Variants in VPS13C observed in about 807,000 individuals in gnomAD.
VPS13C encodes the protein intermembrane lipid transfer protein VPS13C.
A neutral mutation model predicts 456.8 loss-of-function variants in VPS13C; 358 were observed. The observed-to-expected ratio is 0.78, with a 90% confidence interval of 0.72 to 0.86. The LOEUF is 0.86. VPS13C is among the 40% of genes least tolerant of loss of function. The probability of loss-of-function intolerance (pLI) is 0.00; values close to 1 mark genes in which losing one functional copy is unlikely to be tolerated. For missense variants in VPS13C, 4,818 were observed against 4,385.4 expected (o/e 1.10, Z -2.79); for synonymous variants, 1,578 against 1,486.7 (o/e 1.06, Z -1.41).
chr15:61,861,566 T>C (rs1894228300), intron 82 of VPS13C, among the ~76,000 whole-genome samples: 1 of 152,172 alleles, frequency 6.6e-6, no homozygotes, highest in African/African-American at 2.4e-5. Flanking sequence ...TTGGATGTGG[T>C]GGTGCATGTA....
chr15:61,897,967 A>T (rs1263107309), intron 66 of VPS13C, among the ~76,000 whole-genome samples: 2 of 152,204 alleles, frequency 1.3e-5, no homozygotes, highest in Non-Finnish European at 2.9e-5. Flanking sequence ...TGAAGAAAAG[A>T]ATTTTCAACC....
At chr15:61,985,222 C>T (rs2046009174) in intron 18 of VPS13C, among the ~76,000 whole-genome samples, 1 of 152,052 alleles carries the variant, frequency 6.6e-6, no homozygotes, top group Admixed American at 6.6e-5. Flanking sequence ...AAATAGGATG[C>T]TTACAAAAGA....
At chr15:61,978,545 T>C (rs2045779568) in intron 23 of VPS13C, 81 bp downstream of exon 23, 6 of 1,474,418 alleles carry the variant, frequency 4.1e-6, no homozygotes, top group East Asian at 2.4e-5. Context: ...AGGGTTGATA[T>C]ATAGGCACAC....
chr15:62,000,389 G>A (rs1183594464), intron 16 of VPS13C, among the ~76,000 whole-genome samples, 175 bp downstream of exon 16: 2 of 151,764 alleles, frequency 1.3e-5, no homozygotes, highest in East Asian at 3.9e-4. Flanking sequence ...ATAAAAATAA[G>A]GTTTTTTTTC....
intron 47 of VPS13C, 41 bp downstream of exon 47, chr15:61,940,606 C>A: frequency 6.3e-7 from 1 of 1,576,984 alleles, no homozygotes; most frequent in Non-Finnish European, 8.6e-7. Context: ...ACGAGAAAAG[C>A]CTATCAAGAA....
At chr15:62,020,601 A>G (rs2047429114) in intron 8 of VPS13C, 63 bp from the exon 9 acceptor site, 6 of 1,518,562 alleles carry the variant, frequency 4.0e-6, no homozygotes, top group Non-Finnish European at 5.4e-6. Context: ...CATGTCCTTT[A>G]CAATAGGCAG....
rs1029095964 is a variant in VPS13C at position 62,017,505 on chromosome 15, G to A, written c.684+2974C>T. Among the ~76,000 whole-genome samples the A allele has an allele frequency of 1.3e-3, 204 of 152,202 alleles. 1 individual carries two copies. Among genetic ancestry groups the A allele is most frequent in the African/African-American group, 4.7e-3 (195 of 41,510 alleles). On this transcript the variant is annotated intron_variant, in intron 9 of 84. Transcript: ENST00000644861. ...ATCCAGTTTCAGCTTTCTACATATG[G>A]CTAGCCAGTTTTCCCAGCACCATTT...
chr15:62,015,377 T>A (rs930175369), intron 9 of VPS13C, among the ~76,000 whole-genome samples: 1 of 152,080 alleles, frequency 6.6e-6, no homozygotes, highest in Admixed American at 6.5e-5. Context: ...CATTTGTCAA[T>A]TTTGGCTTTT....
At chr15:61,939,413 T>G (rs933755802) in intron 47 of VPS13C, among the ~76,000 whole-genome samples, 1 of 152,192 alleles carries the variant, frequency 6.6e-6, no homozygotes, top group Non-Finnish European at 1.5e-5. Flanking sequence ...ACAACAAGCT[T>G]CAATTTTAAC....
intron 82 of VPS13C, 29 bp from the exon 83 acceptor site, chr15:61,856,438 C>A (rs1273543076): frequency 1.9e-6 from 3 of 1,609,324 alleles, no homozygotes; most frequent in South Asian, 1.1e-5. Flanking sequence ...CAAAAACTTA[C>A]AGTAAATGAT....
At chr15:62,055,333 T>C (rs186829246) in intron 1 of VPS13C, among the ~76,000 whole-genome samples, 488 of 151,918 alleles carry the variant, frequency 3.2e-3, no homozygotes, top group Middle Eastern at 0.014. Flanking sequence ...GTTCACACCA[T>C]TCTCCTGCCT....
chr15:62,002,044 T>C (rs932243682), intron 15 of VPS13C, among the ~76,000 whole-genome samples: 16 of 152,230 alleles, frequency 1.1e-4, no homozygotes, highest in African/African-American at 3.6e-4. Flanking sequence ...AGTAATGAGA[T>C]GGCTGGGTCA....
chr15:61,912,483 A>C (rs1381344592), intron 62 of VPS13C, among the ~76,000 whole-genome samples: 1 of 152,172 alleles, frequency 6.6e-6, no homozygotes, highest in African/African-American at 2.4e-5. Context: ...GTGAATATTT[A>C]CCAAGTTGCT....
At chr15:61,984,456 T>C (rs940328718) in intron 19 of VPS13C, among the ~76,000 whole-genome samples, 1 of 152,242 alleles carries the variant, frequency 6.6e-6, no homozygotes, top group Non-Finnish European at 1.5e-5. Flanking sequence ...GCATTAACTA[T>C]GAGGCATTTA....
At chr15:61,904,311 A>AG (rs1448646617) in intron 66 of VPS13C, among the ~76,000 whole-genome samples, 2 of 151,496 alleles carry the variant, frequency 1.3e-5, no homozygotes, top group African/African-American at 4.8e-5. Context: ...TCCTTAAAAA[A>AG]AAAAAATGTG....
At chr15:61,901,804 C>G (rs1343005117) in intron 66 of VPS13C, among the ~76,000 whole-genome samples, 1 of 152,120 alleles carries the variant, frequency 6.6e-6, no homozygotes, top group African/African-American at 2.4e-5. Context: ...TATAAAGACA[C>G]ATGCACACAT....
chr15:61,863,412 T>C, intron 82 of VPS13C, 28 bp downstream of exon 82: 1 of 1,569,256 alleles, frequency 6.4e-7, no homozygotes. Context: ...TAAGTACTAT[T>C]TGGAAAAATG....
At chr15:61,973,409 G>A (rs767368408) in intron 26 of VPS13C, 45 bp downstream of exon 26, 18 of 1,482,220 alleles carry the variant, frequency 1.2e-5, no homozygotes, top group Admixed American at 1.7e-5. Flanking sequence ...GTATAACAAT[G>A]TATAGGCTTA....
chr15:61,856,479 C>T (rs1185238342), intron 82 of VPS13C, 70 bp from the exon 83 acceptor site: 1 of 1,570,482 alleles, frequency 6.4e-7, no homozygotes, highest in African/African-American at 1.4e-5. Flanking sequence ...AATATTTCAC[C>T]CTACTGGATG....
Sources: allele counts gnomAD v4.1 joint callset (sites outside exome capture counted in the v4.1 genomes callset), GRCh38; gene constraint gnomAD v4.1.1; transcripts MANE v1.5; gene names NCBI Gene and HGNC (gene_info 2026-07-23, HGNC 2026-07-21).